The following PLXNA1 variants were observed in gnomAD, a reference collection of about 807,000 sequenced individuals.
PLXNA1 encodes the protein plexin A1, also known as plexin-A1.
PLXNA1 carries 77 observed loss-of-function variants against 191.7 expected under a neutral mutation model. The observed-to-expected ratio is 0.40, with a 90% CI of 0.33 to 0.49. The LOEUF (loss-of-function observed/expected upper bound fraction) is 0.49. Ranked by LOEUF, PLXNA1 falls within the 20% of genes least tolerant of loss-of-function variation. The pLI is 0.63. For synonymous variants in PLXNA1, 1,137 were observed against 1,156.4 expected, an observed-to-expected ratio of 0.98 and a Z score of 0.34; for missense variants, 2,110 against 2,660.2, an observed-to-expected ratio of 0.79 and a Z score of 4.55.
intron 27 of PLXNA1, 54 bp from the exon 28 acceptor site, chr3:127,029,820 G>A: frequency 4.7e-6 from 7 of 1,498,382 alleles, no homozygotes; most frequent in Non-Finnish European, 6.3e-6. Context: ...AACAGGCTCG[G>A]GCGGGGGGTG....
At chr3:127,011,923 G>A (rs780001426) in intron 9 of PLXNA1, 35 bp from the exon 10 acceptor site, 20 of 1,593,902 alleles carry the variant, frequency 1.3e-5, no homozygotes, top group East Asian at 2.2e-5. Context: ...ACTGGTCTCC[G>A]CCCCCGGGCT....
chr3:127,035,755 A>C lies in PLXNA1; in HGVS notation c.*1738A>C, dbSNP rs532434767. 19 of 152,476 alleles carry C rather than the reference A, an allele frequency of 1.2e-4. No homozygotes were observed. The highest frequency in any genetic ancestry group is 4.3e-4 in the African/African-American group (18 of 41,536). The allele number at this position is 152,476 out of a possible 1,614,324, so 9.4% of individuals were successfully genotyped here. On this transcript the variant is annotated 3_prime_UTR_variant, in exon 32 of 32. Coordinates refer to ENST00000393409, the MANE Select transcript of PLXNA1 (RefSeq NM_032242.4). The stretch of plus-strand genomic sequence containing the variant: ...CCCATGTCCTTGGCCAGGCCCAAGG[A>C]GAGGACTCGGCCCCATGGGGTGTGC...
rs1040166374 is a variant in PLXNA1 at position 127,020,290 on chromosome 3, C to T, written c.3984C>T (p.Ala1328=). The T allele has an allele frequency of 3.1e-6, 5 of 1,613,120 alleles. No homozygotes were observed. The highest frequency in any genetic ancestry group is 1.3e-5 in the African/African-American group (1 of 74,946). ...CCTTCCTTGACTACCGGACATATGC[C>T]ATGCGGGTGCTCTTTCCTGGGATCG... ...GIPFLDYRTY[A]MRVLFPGIED... Residue 1328 remains alanine (A), a synonymous_variant, in exon 21 of 32, where the codon GCC becomes GCT. Transcript: ENST00000393409.
At position 127,011,980 on chromosome 3, in the gene PLXNA1, C is replaced by T. The variant is rs1559960364; in HGVS notation, c.2135C>T (p.Ser712Phe). ...VSEDCPQILP[S>F]TQIYVPVGVV... ...CAGGACTGCCCACAGATCCTGCCCTCCACGCAGATCTACGTGCCAGTGGGA... is the reference window on the plus strand; with the variant it reads ...CAGGACTGCCCACAGATCCTGCCCTTCACGCAGATCTACGTGCCAGTGGGA... The change falls in exon 10 of 32, where the codon TCC becomes TTC. Residue 712 changes from serine (S) to phenylalanine (F), a missense_variant. Physicochemically the swap from Ser to Phe is radical, Grantham distance 155. This residue lies in a region of PLXNA1 where 903 missense variants were observed against 1,015.7 expected (regional missense o/e 0.89). Coordinates refer to ENST00000393409, the MANE Select transcript of PLXNA1 (RefSeq NM_032242.4). The T allele has an allele frequency of 6.2e-7, 1 of 1,613,664 alleles. No individual in the cohort carries two copies. The highest frequency in any genetic ancestry group is 8.5e-7 in the Non-Finnish European group (1 of 1,179,906).
At chr3:127,017,974 C>G in intron 19 of PLXNA1, 82 bp downstream of exon 19, 1 of 1,553,890 alleles carries the variant, frequency 6.4e-7, no homozygotes, top group Non-Finnish European at 8.7e-7. Context: ...AGCCCCAGCT[C>G]TGACCTTGCC....
intron 1 of PLXNA1, among the ~76,000 whole-genome samples, chr3:126,987,979 G>A (rs2078968061): frequency 6.6e-6 from 1 of 152,174 alleles, no homozygotes; most frequent in Admixed American, 6.5e-5. Context: ...GTCAGGGCGT[G>A]TTCGGGGGAG....
intron 20 of PLXNA1, 75 bp downstream of exon 20, chr3:127,018,603 C>G (rs527807568): frequency 2.8e-6 from 3 of 1,077,756 alleles, no homozygotes; most frequent in South Asian, 1.4e-5. Context: ...ACACCTACTT[C>G]CCACCGCCGC....
intron 17 of PLXNA1, 44 bp downstream of exon 17, chr3:127,017,081 C>T: frequency 6.5e-7 from 1 of 1,526,774 alleles, no homozygotes; most frequent in Non-Finnish European, 9.0e-7. Context: ...CAGGCCTTCA[C>T]CTGGGATGGG....
intron 3 of PLXNA1, among the ~76,000 whole-genome samples, chr3:126,998,883 T>C (rs1020609240): frequency 6.6e-6 from 1 of 152,188 alleles, no homozygotes; most frequent in African/African-American, 2.4e-5. Flanking sequence ...CCCCGACAGG[T>C]GTGTCTGGCC....
rs772496308 is a variant in PLXNA1 at position 127,027,942 on chromosome 3, G to T, written c.4365G>T (p.Glu1455Asp). The stretch of plus-strand genomic sequence containing the variant: ...GCCTCATGCCGCCACCCCCGCAGGA[G>T]TGCGCTGGGGAGCCGCTGTTCATGC... ...FTFLLYKFLK[E>D]CAGEPLFMLY... is the part of the protein sequence containing the mutation. Residue 1455 changes from glutamate to aspartate, a missense_variant and splice_region_variant, in exon 24 of 32, where the codon GAG (glutamate) becomes GAT (aspartate). Transcript: ENST00000393409. 1 of 1,613,348 alleles carries T rather than the reference G, an allele frequency of 6.2e-7. No homozygotes were observed. The highest frequency in any genetic ancestry group is 1.1e-5 in the South Asian group (1 of 91,086).
chr3:126,988,658 C>G lies in PLXNA1; in HGVS notation c.65C>G (p.Pro22Arg), dbSNP rs1023386198. ...LLLLLLLLLL[P>R]GMWAEAGLPR... ...CTGCTGCTGTTGCTGCTGCTGCTGC[C>G]GGGCATGTGGGCTGAGGCAGGCTTG... Residue 22 changes from proline (P) to arginine (R), a missense_variant, in exon 2 of 32, where the codon CCG (proline) becomes CGG (arginine). This residue lies in a region of PLXNA1 where 903 missense variants were observed against 1,015.7 expected (regional missense o/e 0.89). Transcript: ENST00000393409. 2 of 1,578,606 alleles carry G rather than the reference C, an allele frequency of 1.3e-6. No homozygotes were observed. Among genetic ancestry groups the G allele is most frequent in the Non-Finnish European group, 8.6e-7 (1 of 1,161,912 alleles).
At position 126,988,713 on chromosome 3, in the gene PLXNA1, C is replaced by T. The variant is rs1291537634; in HGVS notation, c.120C>T (p.Pro40=). The change falls in exon 2 of 32, where the codon CCC becomes CCT. Residue 40 remains proline, a synonymous_variant. Transcript: ENST00000393409. ...LPRAGGGSQP[P]FRTFSASDWG... ...GGGCAGGCGGGGGTTCACAGCCCCC[C>T]TTCCGCACCTTCTCGGCCAGCGACT... 2 of 1,576,110 alleles carry T rather than the reference C, an allele frequency of 1.3e-6. No homozygotes were observed. Among genetic ancestry groups the T allele is most frequent in the Admixed American group, 3.4e-5 (2 of 58,322 alleles).
intron 20 of PLXNA1, 59 bp from the exon 21 acceptor site, chr3:127,020,143 T>C: frequency 6.3e-7 from 1 of 1,590,160 alleles, no homozygotes; most frequent in Non-Finnish European, 8.6e-7. Context: ...AGTGGGAGGG[T>C]TGGGGCATGG....
At chr3:127,027,919 C>G (rs1349085398) in intron 23 of PLXNA1, 21 bp from the exon 24 acceptor site, 1 of 1,612,512 alleles carries the variant, frequency 6.2e-7, no homozygotes, top group Non-Finnish European at 8.5e-7. Context: ...TGGCTGCAGC[C>G]TCATGCCGCC....
At position 127,006,142 on chromosome 3, in the gene PLXNA1, T is replaced by C; in HGVS notation, c.1961T>C (p.Val654Ala). The C allele has an allele frequency of 6.2e-7, 1 of 1,613,798 alleles. No homozygotes were observed. The highest frequency in any genetic ancestry group is 8.5e-7 in the Non-Finnish European group (1 of 1,179,978). Residue 654 changes from valine to alanine, a missense_variant, in exon 8 of 32, where the codon GTG (valine) becomes GCG (alanine). This residue lies in a region of PLXNA1 where 903 missense variants were observed against 1,015.7 expected (regional missense o/e 0.89). Transcript: ENST00000393409. ...SKETGKKFASVDFVFYNCSVH... is the reference protein window; with the variant it reads ...SKETGKKFASADFVFYNCSVH... Reference sequence around the variant, plus strand: ...GAGACAGGGAAGAAGTTTGCGTCTGTGGACTTCGTCTTCTACAACTGCAGC... The same window carrying C: ...GAGACAGGGAAGAAGTTTGCGTCTGCGGACTTCGTCTTCTACAACTGCAGC...
intron 26 of PLXNA1, 124 bp downstream of exon 26, chr3:127,029,220 G>A: frequency 2.3e-6 from 2 of 859,820 alleles, no homozygotes; most frequent in East Asian, 2.6e-5. Context: ...GAGGAGGGGA[G>A]GTGGTCACTT....
Position 127,005,026 on chromosome 3 carries a change from G to C in PLXNA1, c.1743+18G>C, listed in dbSNP as rs2079059061. On this transcript the variant is annotated intron_variant, in intron 6 of 31. Transcript: ENST00000393409. ...AGGTCCCAGTAAGTGTGGCACCCCA[G>C]GTGGTAAGGGGTGGGGGACAGCCAT... 1 of 1,608,772 alleles carries C rather than the reference G, an allele frequency of 6.2e-7. No homozygotes were observed. Among genetic ancestry groups the C allele is most frequent in the Admixed American group, 1.7e-5 (1 of 59,878 alleles).
chr3:127,022,924 TG>T (rs1156841024), intron 23 of PLXNA1, 106 bp downstream of exon 23: 9 of 1,029,966 alleles, frequency 8.7e-6, no homozygotes, highest in Non-Finnish European at 1.3e-5. Flanking sequence ...TGACAGCTGG[TG>T]GGGTCTTGGT....
chr3:127,002,670 C>T (rs192508355), intron 3 of PLXNA1, among the ~76,000 whole-genome samples: 4 of 152,228 alleles, frequency 2.6e-5, no homozygotes, highest in Non-Finnish European at 4.4e-5. Flanking sequence ...TGGAAAGCCC[C>T]GTGGGTCTCT....
Sources: gnomAD v4.1 joint callset for allele counts (sites outside exome capture counted in the v4.1 genomes callset) on GRCh38, gnomAD v4.1.1 for gene constraint, gnomAD v4.1.1 regional missense constraint, MANE v1.5 for transcripts, NCBI Gene and HGNC (gene_info 2026-07-23, HGNC 2026-07-21) for gene names.